Variants in KDR observed in about 807,000 individuals in gnomAD.
KDR encodes vascular endothelial growth factor receptor 2.
A neutral mutation model predicts 160.9 loss-of-function variants in KDR; 43 were observed. That is an observed-to-expected ratio of 0.27 (90% confidence interval 0.21 to 0.34). The LOEUF (loss-of-function observed/expected upper bound fraction) is 0.34. KDR is among the 10% of genes least tolerant of loss of function. KDR has a pLI of 1.00. For synonymous variants in KDR, 617 were observed against 600.1 expected, an observed-to-expected ratio of 1.03 and a Z score of -0.41; for missense variants, 1,469 against 1,666.4, an observed-to-expected ratio of 0.88 and a Z score of 2.06.
chr4:55,089,871 T>C (rs1314017470), intron 23 of KDR, 69 bp from the exon 24 acceptor site: 1 of 1,605,384 alleles, frequency 6.2e-7, no homozygotes, highest in East Asian at 2.2e-5. Flanking sequence ...ACTTCCTCTG[T>C]TCCTGAACAC....
chr4:55,086,006 T>C (rs927454923), intron 27 of KDR, among the ~76,000 whole-genome samples: 3 of 152,216 alleles, frequency 2.0e-5, no homozygotes, highest in African/African-American at 7.2e-5. Flanking sequence ...CATGATCAAA[T>C]GGCTTTCTGA....
In KDR at chr4:55,113,365, G is replaced by A. The variant is rs1327928219; in HGVS notation, c.915C>T (p.Tyr305=). The part of the protein sequence containing the change: ...DGVTRSDQGL[Y]TCAASSGLMT... ...TCAGCCCACTGGATGCTGCACAGGT[G>A]TACAATCCTTGGTCACTCCGGGTTA... The change falls in exon 7 of 30, where the codon TAC becomes TAT. Residue 305 remains tyrosine (Y), a synonymous_variant. Coordinates refer to ENST00000263923, the MANE Select transcript of KDR (RefSeq NM_002253.4). 1.4e-5 allele frequency: 23 copies of A among 1,613,960 alleles called. No homozygotes were observed. Among genetic ancestry groups the A allele is most frequent in the African/African-American group, 4.0e-5 (3 of 74,916 alleles).
At chr4:55,087,547 C>G (rs565460125) in intron 27 of KDR, 60 bp downstream of exon 27, 1 of 1,501,480 alleles carries the variant, frequency 6.7e-7, no homozygotes, top group Non-Finnish European at 9.2e-7. Context: ...CTTCCAATCC[C>G]CCTCCCGAGA....
intron 25 of KDR, 103 bp from the exon 26 acceptor site, chr4:55,089,076 G>A (rs1407226024): frequency 1.8e-5 from 15 of 825,784 alleles, no homozygotes; most frequent in Non-Finnish European, 3.1e-5. Flanking sequence ...GACGAGGTGA[G>A]ATGCTAAATA....
intron 12 of KDR, 33 bp downstream of exon 12, chr4:55,105,799 A>G (rs373530122): frequency 1.5e-6 from 2 of 1,331,540 alleles, no homozygotes; most frequent in African/African-American, 2.9e-5. Context: ...TGTGTGAGTG[A>G]TCCAACCCAA....
chr4:55,087,568 G>A, intron 27 of KDR, 39 bp downstream of exon 27: 1 of 1,604,548 alleles, frequency 6.2e-7, no homozygotes, highest in Non-Finnish European at 8.5e-7. Flanking sequence ...TGGCCTTGAA[G>A]TCACCCTCCC....
rs999782195 is a variant in KDR, at chr4:55,089,743, G to T, written c.3252C>A (p.Ile1084=). ...PETIFDRVYT[I]QSDVWSFGVL... Reference sequence around the variant, plus strand: ...CACCAAAAGACCAGACGTCACTCTGGATTGTGTACACTCTGTCAAAAATTG... The same window carrying T: ...CACCAAAAGACCAGACGTCACTCTGTATTGTGTACACTCTGTCAAAAATTG... The change falls in exon 24 of 30, where the codon ATC becomes ATA. Residue 1084 remains isoleucine, a synonymous_variant. Transcript: ENST00000263923. 1 of 1,614,044 alleles carries T rather than the reference G, an allele frequency of 6.2e-7. No individual in the cohort carries two copies. The highest frequency in any genetic ancestry group is 8.5e-7 in the Non-Finnish European group (1 of 1,179,994).
intron 26 of KDR, among the ~76,000 whole-genome samples, chr4:55,088,202 G>C (rs895182476): frequency 6.6e-6 from 1 of 152,188 alleles, no homozygotes; most frequent in Non-Finnish European, 1.5e-5. Context: ...AAATGGGTAG[G>C]AAAATGGGTC....
At chr4:55,106,638 C>A in intron 11 of KDR, 49 bp downstream of exon 11, 1 of 1,325,540 alleles carries the variant, frequency 7.5e-7, no homozygotes, top group East Asian at 2.3e-5. Flanking sequence ...TTGTACCATC[C>A]TTCCATTAAA....
At chr4:55,119,442 A>C (rs543979045) in intron 2 of KDR, among the ~76,000 whole-genome samples, 1 of 152,362 alleles carries the variant, frequency 6.6e-6, no homozygotes, top group East Asian at 1.9e-4. Flanking sequence ...CCTCAGTCTA[A>C]CTGGAGAAAA....
rs940258117 is a variant in KDR, at chr4:55,087,647, A to G, written c.3622T>C (p.Cys1208Arg). ...TTGTCATAATGGAATTTGGGGTCAC[A>G]TACTTCCTCCTCCTCCATACAGGAA... ...PVSCMEEEEV[C>R]DPKFHYDNTA... is the part of the protein sequence containing the mutation. Residue 1208 changes from cysteine (C) to arginine (R), a missense_variant, in exon 27 of 30, where the codon TGT (cysteine) becomes CGT (arginine). Cys to Arg is a radical substitution (Grantham distance 180, BLOSUM62 -3). Coordinates refer to ENST00000263923, the MANE Select transcript of KDR (RefSeq NM_002253.4). 3 of 1,614,174 alleles carry G rather than the reference A, an allele frequency of 1.9e-6. No homozygotes were observed. Among genetic ancestry groups the G allele is most frequent in the East Asian group, 2.2e-5 (1 of 44,886 alleles).
In KDR at chr4:55,094,886, A is replaced by T. The variant is rs544842346; in HGVS notation, c.2887T>A (p.Leu963Met). Residue 963 changes from leucine (L) to methionine (M), a missense_variant, in exon 21 of 30, where the codon TTG becomes ATG. Physicochemically the swap from Leu to Met is conservative, Grantham distance 15. Around this residue, in one of 7 missense-constraint regions of KDR, gnomAD observed 151 missense variants for 207.2 expected, o/e 0.73. Transcript: ENST00000263923. ...CTCTGGCTACTGGTGATGCTGTCCA[A>T]GCGCCGTTTCAGATCCACAGGGATT... ...GAIPVDLKRR[L>M]DSITSSQSSA... 4.3e-6 allele frequency: 7 copies of T among 1,613,964 alleles called. No homozygotes were observed. The Admixed American group carries it at 8.3e-5, about 19-fold the overall frequency.
intron 7 of KDR, 141 bp downstream of exon 7, chr4:55,113,163 T>A: frequency 1.2e-6 from 1 of 860,024 alleles, no homozygotes; most frequent in South Asian, 1.5e-5. Flanking sequence ...GCTCTTGACC[T>A]CTAGGTCATG....
intron 13 of KDR, 122 bp from the exon 14 acceptor site, chr4:55,102,630 T>C: frequency 2.0e-6 from 2 of 1,013,644 alleles, no homozygotes; most frequent in Middle Eastern, 2.0e-4. Context: ...TATTAACTTC[T>C]GGGAAAATAC....
rs1254835266 is a variant in KDR, at chr4:55,098,230, T to C, written c.2416A>G (p.Met806Val). 1 of 1,613,920 alleles carries C rather than the reference T, an allele frequency of 6.2e-7. No homozygotes were observed. The highest frequency in any genetic ancestry group is 1.7e-5 in the Admixed American group (1 of 60,002). The change falls in exon 17 of 30, where the codon ATG becomes GTG. Residue 806 changes from methionine (M) to valine (V), a missense_variant. Physicochemically the swap from Met to Val is conservative, Grantham distance 21. This residue lies in a region of KDR where 118 missense variants were observed against 110.8 expected (regional missense o/e 1.06). Transcript: ENST00000263923. ...TCCAATGGGAGTTCATCTGGATCCATGACGATGGACAAGTAGCCTGTCTTC... is the reference window on the plus strand; with the variant it reads ...TCCAATGGGAGTTCATCTGGATCCACGACGATGGACAAGTAGCCTGTCTTC... ...ELKTGYLSIV[M>V]DPDELPLDEH...
intron 29 of KDR, among the ~76,000 whole-genome samples, chr4:55,081,138 T>G (rs901043137): frequency 2.0e-5 from 3 of 152,238 alleles, no homozygotes; most frequent in African/African-American, 7.2e-5. Flanking sequence ...ACCTTGGGCC[T>G]TAAAGAAAAC....
chr4:55,093,224 A>T (rs1454367691), intron 21 of KDR, among the ~76,000 whole-genome samples: 1 of 152,248 alleles, frequency 6.6e-6, no homozygotes, highest in African/African-American at 2.4e-5. Context: ...TTTCAAACTT[A>T]AAAAGTGCTG....
At position 55,082,528 on chromosome 4, in the gene KDR, G is replaced by T. The variant is rs78801899; in HGVS notation, c.3762+8C>A. 1.9e-4 allele frequency: 293 copies of T among 1,553,990 alleles called. 1 individual carries two copies. The African/African-American group carries it at 3.7e-3, about 19-fold the overall frequency. On this transcript the variant is annotated splice_region_variant and intron_variant, in intron 28 of 29. Coordinates refer to ENST00000263923, the MANE Select transcript of KDR (RefSeq NM_002253.4). ...ATTTCTAAGACTATTTTTAAAAGAC[G>T]TACTTACATCTGGGATTACTTTTAC... is the stretch of plus-strand genomic sequence containing the variant.
At position 55,113,380 on chromosome 4, in the gene KDR, A is replaced by G; in HGVS notation, c.900T>C (p.Ser300=). Residue 300 remains serine (S), a synonymous_variant, in exon 7 of 30, where the codon AGT becomes AGC. Coordinates refer to ENST00000263923, the MANE Select transcript of KDR (RefSeq NM_002253.4). ...STLTIDGVTR[S]DQGLYTCAAS... ...CTGCACAGGTGTACAATCCTTGGTC[A>G]CTCCGGGTTACACCATCTATAGTTA... is the stretch of plus-strand genomic sequence containing the variant. The G allele has an allele frequency of 7.4e-6, 12 of 1,613,968 alleles. No individual in the cohort carries two copies. Among genetic ancestry groups the G allele is most frequent in the Non-Finnish European group, 1.0e-5 (12 of 1,179,942 alleles).
Sources: gnomAD v4.1 joint callset for allele counts (sites outside exome capture counted in the v4.1 genomes callset) on GRCh38, gnomAD v4.1.1 for gene constraint, gnomAD v4.1.1 regional missense constraint, MANE v1.5 for transcripts, NCBI Gene and HGNC (gene_info 2026-07-23, HGNC 2026-07-21) for gene names.